IFNA13: variants seen among roughly 807,000 people sequenced by gnomAD.
IFNA13 encodes the protein interferon alpha 13, also known as interferon alpha-13.
For synonymous variants in IFNA13, 61 were observed against 86.3 expected (o/e 0.71, Z 1.62); for missense variants, 166 against 220.7 (o/e 0.75, Z 1.57).
At chr9:21,367,590 T>C in exon 1 of IFNA13, 1 of 1,602,194 alleles carries the variant, frequency 6.2e-7, no homozygotes. Flanking sequence ...ACAGCCAAGA[T>C]GGAGTCCGCA....
chr9:21,367,633 C>T, exon 1 of IFNA13: 1 of 1,557,544 alleles, frequency 6.4e-7, no homozygotes, highest in Non-Finnish European at 8.7e-7. Context: ...CCCTCTCCTC[C>T]TGCATCACAC....
exon 1 of IFNA13, chr9:21,368,042 A>G (rs1400985744): frequency 6.2e-7 from 1 of 1,611,896 alleles, no homozygotes; most frequent in Non-Finnish European, 8.5e-7. Flanking sequence ...GCTTGCTGAG[A>G]TGGGTGACTC....
At chr9:21,367,445 T>C in exon 1 of IFNA13, 20 of 1,613,996 alleles carry the variant, frequency 1.2e-5, no homozygotes, top group Non-Finnish European at 1.6e-5. Context: ...GTGTTATTCC[T>C]TCCTCCTTAA....
At chr9:21,368,002 G>C (rs1317574169) in exon 1 of IFNA13, 1 of 1,612,738 alleles carries the variant, frequency 6.2e-7, no homozygotes, top group South Asian at 1.1e-5. Flanking sequence ...CAAAGGGCGA[G>C]GCCATCATAG....
chr9:21,367,460 T>C (rs1404774957), exon 1 of IFNA13: 2 of 1,613,698 alleles, frequency 1.2e-6, no homozygotes, highest in Non-Finnish European at 1.7e-6. Context: ...CCTTAATCTT[T>C]CTTGCAAGTT....
chr9:21,367,978 G>T, exon 1 of IFNA13: 1 of 1,612,970 alleles, frequency 6.2e-7, no homozygotes, highest in East Asian at 2.2e-5. Context: ...GCACCACCAG[G>T]GCCATCAGTA....
rs767549221 is a variant in IFNA13, at chr9:21,367,435, G to GTGT, written c.573_*2dup. 8.1e-6 allele frequency: 13 copies of GTGT among 1,612,920 alleles called. No homozygotes were observed. The African/African-American group carries it at 1.7e-4, about 22-fold the overall frequency. On this transcript the variant is annotated 3_prime_UTR_variant, in exon 1 of 1. Coordinates refer to ENST00000610660, the Ensembl canonical transcript of IFNA13. ...TAAGAATTGTTTCATGTTGGACCAG[G>GTGT]TGTTATTCCTTCCTCCTTAATCTTT...
exon 1 of IFNA13, chr9:21,368,008 C>G (rs1287911276): frequency 2.5e-6 from 4 of 1,612,682 alleles, no homozygotes; most frequent in Non-Finnish European, 3.4e-6. Flanking sequence ...GCGAGGCCAT[C>G]ATAGATATTG....
chr9:21,367,522 A>G (rs1820645729), exon 1 of IFNA13: 1 of 1,597,814 alleles, frequency 6.3e-7, no homozygotes. Flanking sequence ...CCTCCCAGGC[A>G]CAAGGGCTGT....
chr9:21,367,393 C>A (rs769847461), downstream of IFNA13: 1 of 1,606,960 alleles, frequency 6.2e-7, no homozygotes, highest in South Asian at 1.1e-5. Context: ...GAAAGCGTGA[C>A]CTGGTATATG....
At chr9:21,367,416 T>G, downstream of IFNA13, 2 of 1,613,372 alleles carry the variant, frequency 1.2e-6, no homozygotes, top group Non-Finnish European at 1.7e-6. Context: ...TCAATAAGAA[T>G]TGTTTCATGT....
At chr9:21,367,908 T>A (rs1175781614) in exon 1 of IFNA13, 1 of 1,610,840 alleles carries the variant, frequency 6.2e-7, no homozygotes, top group South Asian at 1.1e-5. Flanking sequence ...GTCCTCCTGT[T>A]ATCCAGGCTG....
chr9:21,367,709 C>G, exon 1 of IFNA13: 1 of 1,428,960 alleles, frequency 7.0e-7, no homozygotes, highest in Non-Finnish European at 9.5e-7. Flanking sequence ...GTCCTCATCC[C>G]AAGCAGCAGA....
exon 1 of IFNA13, chr9:21,367,925 T>G (rs759984278): frequency 1.2e-6 from 2 of 1,612,318 alleles, no homozygotes; most frequent in Non-Finnish European, 1.7e-6. Context: ...GCTGTGGGTC[T>G]CAGGGAGATC....
chr9:21,367,653 A>G (rs540463814), exon 1 of IFNA13: 23 of 1,529,426 alleles, frequency 1.5e-5, no homozygotes, highest in African/African-American at 1.3e-4. Flanking sequence ...CAGGCTTCCA[A>G]GTCATTCAGC....
exon 1 of IFNA13, chr9:21,367,876 C>A: frequency 1.2e-6 from 2 of 1,609,972 alleles, no homozygotes; most frequent in South Asian, 1.1e-5. Context: ...AGATTCTGCT[C>A]ATTTGTGCCA....
rs1430733590 is a variant in IFNA13, at chr9:21,367,996, G to A, written c.15C>T (p.Pro5=). The change falls in exon 1 of 1, where the codon CCC becomes CCT. Residue 5 remains proline (P), a synonymous_variant. Transcript: ENST00000610660. ...CCACCAGGGCCATCAGTAAAGCAAAGGGCGAGGCCATCATAGATATTGCAG... is the reference window on the plus strand; with the variant it reads ...CCACCAGGGCCATCAGTAAAGCAAAAGGCGAGGCCATCATAGATATTGCAG... 3 of 1,612,916 alleles carry A rather than the reference G, an allele frequency of 1.9e-6. No homozygotes were observed. In the Admixed American group the frequency reaches 5.0e-5, roughly 27 times the overall value.
rs775607175 is a variant in IFNA13 at position 21,367,485 on chromosome 9, G to A, written c.526C>T (p.Leu176Phe). Residue 176 changes from leucine (L) to phenylalanine (F), a missense_variant, in exon 1 of 1, where the codon CTC (leucine) becomes TTC (phenylalanine). Coordinates refer to ENST00000610660, the Ensembl canonical transcript of IFNA13. The stretch of plus-strand genomic sequence containing the variant: ...TCTTGCAAGTTTGTTGATAAAGAGA[G>A]GGATCTCATGATTTCTGCTCTGACA... The A allele has an allele frequency of 2.5e-6, 4 of 1,611,548 alleles. No homozygotes were observed. The African/African-American group carries it at 4.0e-5, about 16-fold the overall frequency.
chr9:21,367,813 C>G (rs1820650864), exon 1 of IFNA13: 1 of 1,594,010 alleles, frequency 6.3e-7, no homozygotes, highest in Admixed American at 1.7e-5. Flanking sequence ...TGCCATCAAA[C>G]TCCTCCTGGG....
Sources: gnomAD v4.1 joint callset for allele counts on GRCh38, gnomAD v4.1.1 for gene constraint, MANE v1.5 for transcripts, NCBI Gene and HGNC (gene_info 2026-07-23, HGNC 2026-07-21) for gene names.